The following BBX variants were observed in gnomAD, a reference collection of about 807,000 sequenced individuals.
BBX encodes the protein HMG box transcription factor BBX.
BBX carries 30 observed loss-of-function variants against 100.2 expected under a neutral mutation model. The observed-to-expected ratio is 0.30, with a 90% CI of 0.22 to 0.41. The LOEUF (loss-of-function observed/expected upper bound fraction) is 0.41, where lower values mean the gene tolerates loss of function less well. Among genes scored for constraint, BBX ranks in the 10% least tolerant of loss-of-function variants. BBX has a pLI of 1.00. For synonymous variants in BBX, 376 were observed against 388.1 expected (o/e 0.97, Z 0.37); for missense variants, 1,023 against 1,129.8 (o/e 0.91, Z 1.35).
At chr3:107,691,408 T>C (rs2108076474) in intron 3 of BBX, among the ~76,000 whole-genome samples, 1 of 152,294 alleles carries the variant, frequency 6.6e-6, no homozygotes, top group Non-Finnish European at 1.5e-5. Flanking sequence ...ATAAAAGGAA[T>C]ATAAATAACA....
intron 10 of BBX, among the ~76,000 whole-genome samples, chr3:107,762,131 G>A (rs936249850): frequency 5.3e-5 from 8 of 152,052 alleles, no homozygotes; most frequent in African/African-American, 1.9e-4. Context: ...ATCCCCAATT[G>A]CACTAGGTTA....
At chr3:107,768,520 A>C (rs1438164755) in intron 10 of BBX, among the ~76,000 whole-genome samples, 1 of 152,238 alleles carries the variant, frequency 6.6e-6, no homozygotes, top group Non-Finnish European at 1.5e-5. Context: ...GGACAAAGAC[A>C]TGAAAAGCAG....
At chr3:107,647,722 A>G (rs1294937962) in intron 3 of BBX, among the ~76,000 whole-genome samples, 1 of 152,220 alleles carries the variant, frequency 6.6e-6, no homozygotes, top group Non-Finnish European at 1.5e-5. Context: ...ATTACATTTC[A>G]GTATCAGAAG....
chr3:107,658,720 T>G (rs563746547), intron 3 of BBX, among the ~76,000 whole-genome samples: 53 of 151,394 alleles, frequency 3.5e-4, no homozygotes, highest in Middle Eastern at 3.4e-3. Flanking sequence ...ATTTCTTTGT[T>G]TGTGTGTGTG....
At chr3:107,594,458 G>T (rs924257058) in intron 2 of BBX, among the ~76,000 whole-genome samples, 1 of 152,158 alleles carries the variant, frequency 6.6e-6, no homozygotes, top group African/African-American at 2.4e-5. Flanking sequence ...GGTTGGTGAC[G>T]GCAGCGGAGA....
chr3:107,566,958 G>GT (rs2050964997), intron 2 of BBX, among the ~76,000 whole-genome samples: 1 of 151,990 alleles, frequency 6.6e-6, no homozygotes, highest in Admixed American at 6.6e-5. Flanking sequence ...GTATCTCACA[G>GT]TTTTCTCAGG....
intron 2 of BBX, among the ~76,000 whole-genome samples, chr3:107,591,548 C>T (rs770800748): frequency 1.3e-5 from 2 of 152,162 alleles, no homozygotes; most frequent in African/African-American, 4.8e-5. Flanking sequence ...AGTGCGGTAA[C>T]GCTATCAGGG....
chr3:107,710,772 C>A, intron 4 of BBX, 150 bp downstream of exon 4: 1 of 724,920 alleles, frequency 1.4e-6, no homozygotes, highest in Non-Finnish European at 2.2e-6. Flanking sequence ...CATTTTTATT[C>A]CAATTCTTGA....
intron 3 of BBX, among the ~76,000 whole-genome samples, chr3:107,697,018 G>A (rs1447320240): frequency 6.6e-6 from 1 of 151,514 alleles, no homozygotes; most frequent in African/African-American, 2.4e-5. Flanking sequence ...CATTCTTCAC[G>A]TAGTTCTCGA....
rs539180761 is a variant in BBX at position 107,784,944 on chromosome 3, G to A, written c.2204-4843G>A. 5.9e-5 allele frequency among the ~76,000 whole-genome samples: 9 copies of A among 151,638 alleles called. No individual in the cohort carries two copies. In the South Asian group the frequency reaches 1.9e-3, roughly 31 times the overall value. Reference sequence around the variant, plus strand: ...AGATTGACCAAGAAGAAAAAGAGAAGACTCAAATTATTAGAATCAGAGATG... The same window carrying A: ...AGATTGACCAAGAAGAAAAAGAGAAAACTCAAATTATTAGAATCAGAGATG... On this transcript the variant is annotated intron_variant, in intron 13 of 17. Transcript: ENST00000325805.
At chr3:107,533,948 A>C (rs186758685) in intron 2 of BBX, among the ~76,000 whole-genome samples, 2 of 152,314 alleles carry the variant, frequency 1.3e-5, no homozygotes, top group Admixed American at 6.5e-5. Context: ...TATTTTCAAT[A>C]ATTAATTATG....
intron 3 of BBX, among the ~76,000 whole-genome samples, chr3:107,706,109 G>A (rs1576431564): frequency 6.9e-6 from 1 of 145,312 alleles, no homozygotes; most frequent in East Asian, 2.1e-4. Flanking sequence ...TACAACCTCT[G>A]TCTCCTGGGT....
chr3:107,696,317 AT>A (rs2060595400), intron 3 of BBX, among the ~76,000 whole-genome samples: 1 of 151,532 alleles, frequency 6.6e-6, no homozygotes, highest in African/African-American at 2.4e-5. Flanking sequence ...TTTTGGCATG[AT>A]TTTGCAGTGG....
In BBX at chr3:107,805,366, A is replaced by G. The variant is rs778560212; in HGVS notation, c.2739-4A>G. 6.2e-7 allele frequency: 1 copy of G among 1,606,116 alleles called. No homozygotes were observed. The highest frequency in any genetic ancestry group is 8.5e-7 in the Non-Finnish European group (1 of 1,176,394). On this transcript the variant is annotated splice_region_variant and splice_polypyrimidine_tract_variant and intron_variant, in intron 17 of 17. Transcript: ENST00000325805. The stretch of plus-strand genomic sequence containing the variant: ...AGTGACTTTTTCTTCCTTTTATTTT[A>G]CAGAGGTCAGAGGTCAACTCCGCTC...
chr3:107,551,305 G>A (rs562272362), intron 2 of BBX, among the ~76,000 whole-genome samples: 15 of 152,318 alleles, frequency 9.8e-5, no homozygotes, highest in African/African-American at 3.6e-4. Flanking sequence ...AATGAGCCCA[G>A]TGACAACACT....
intron 3 of BBX, among the ~76,000 whole-genome samples, chr3:107,660,840 A>G (rs2058409626): frequency 6.6e-6 from 1 of 152,170 alleles, no homozygotes; most frequent in African/African-American, 2.4e-5. Context: ...TACATTTTAT[A>G]ATTTCTACCC....
chr3:107,790,052 C>G (rs2068839011), intron 14 of BBX, among the ~76,000 whole-genome samples, 176 bp downstream of exon 14: 1 of 152,106 alleles, frequency 6.6e-6, no homozygotes, highest in Non-Finnish European at 1.5e-5. Flanking sequence ...TAATGCAAAT[C>G]TCCTTCACTT....
intron 2 of BBX, among the ~76,000 whole-genome samples, chr3:107,563,675 A>C (rs1353358961): frequency 6.6e-6 from 1 of 152,202 alleles, no homozygotes; most frequent in Non-Finnish European, 1.5e-5. Context: ...ATTATTTTAA[A>C]GTAAAATAGG....
chr3:107,637,406 C>T (rs940580349), intron 2 of BBX, among the ~76,000 whole-genome samples: 1 of 152,190 alleles, frequency 6.6e-6, no homozygotes, highest in African/African-American at 2.4e-5. Context: ...AGTAGGGATG[C>T]ATTGTAATCT....
Sources: allele counts gnomAD v4.1 joint callset (sites outside exome capture counted in the v4.1 genomes callset), GRCh38; gene constraint gnomAD v4.1.1; transcripts MANE v1.5; gene names NCBI Gene and HGNC (gene_info 2026-07-23, HGNC 2026-07-21).